The following ADAM10 variants were observed in gnomAD, a reference collection of about 807,000 sequenced individuals.
The protein encoded by ADAM10 is ADAM metallopeptidase domain 10.
Under a neutral mutation model 90.1 loss-of-function variants are expected in ADAM10, and 17 were observed. The observed-to-expected ratio is 0.19, with a 90% CI of 0.13 to 0.28. The LOEUF (loss-of-function observed/expected upper bound fraction) is 0.28. ADAM10 is among the 10% of genes least tolerant of loss of function. The probability of loss-of-function intolerance (pLI) is 1.00; values close to 1 mark genes in which losing one functional copy is unlikely to be tolerated. For synonymous variants in ADAM10, 310 were observed against 298.6 expected (o/e 1.04, Z -0.40); for missense variants, 610 against 914.3 (o/e 0.67, Z 4.29).
intron 2 of ADAM10, among the ~76,000 whole-genome samples, chr15:58,701,872 G>T (rs1321023776): frequency 1.3e-5 from 2 of 152,126 alleles, no homozygotes; most frequent in Non-Finnish European, 2.9e-5. Context: ...TTGGGAGGAC[G>T]AGGTGGGCGG....
chr15:58,609,567 G>C (rs957453292), intron 14 of ADAM10: 2 of 153,206 alleles, frequency 1.3e-5, no homozygotes, highest in Non-Finnish European at 2.9e-5. Flanking sequence ...AAAGGGGAAT[G>C]TGAGTTATAA....
At position 58,681,295 on chromosome 15, in the gene ADAM10, T is replaced by TTATTGTAAGAG. The variant is rs1457676960; in HGVS notation, c.325+900_325+901insCTCTTACAATA. Among the ~76,000 whole-genome samples the TTATTGTAAGAG allele has an allele frequency of 1.1e-4, 17 of 152,328 alleles. No homozygotes were observed. The East Asian group carries it at 2.3e-3, about 21-fold the overall frequency. ...ACTGATGAAAAACGCTTCATTTTGG[T>TTATTGTAAGAG]TACAGAATTGTAAGAGTACAAAAAA... On this transcript the variant is annotated intron_variant, in intron 3 of 15. Transcript: ENST00000260408.
At chr15:58,655,007 C>A (rs1380765614) in intron 5 of ADAM10, among the ~76,000 whole-genome samples, 4 of 152,092 alleles carry the variant, frequency 2.6e-5, no homozygotes, top group Non-Finnish European at 4.4e-5. Flanking sequence ...CCTGTTAGGT[C>A]CATTTGTTCT....
chr15:58,741,269 A>T (rs1899603887), intron 1 of ADAM10, among the ~76,000 whole-genome samples: 3 of 152,210 alleles, frequency 2.0e-5, no homozygotes, highest in Admixed American at 2.0e-4. Flanking sequence ...CATAGTTCAC[A>T]TGAAATCAAG....
At chr15:58,685,483 AAAT>A (rs1897564489) in intron 2 of ADAM10, among the ~76,000 whole-genome samples, 1 of 112,024 alleles carries the variant, frequency 8.9e-6, no homozygotes, top group African/African-American at 4.6e-5. Context: ...ATAAATAAAT[AAAT>A]AAGATACAAA....
intron 7 of ADAM10, among the ~76,000 whole-genome samples, chr15:58,642,371 G>A (rs547198021): frequency 7.9e-5 from 12 of 151,890 alleles, no homozygotes; most frequent in Non-Finnish European, 1.8e-4. Context: ...AGGCTGAGGT[G>A]GGAGAATCGC....
At chr15:58,657,549 T>C (rs1237362782) in intron 5 of ADAM10, among the ~76,000 whole-genome samples, 3 of 152,222 alleles carry the variant, frequency 2.0e-5, no homozygotes, top group South Asian at 2.1e-4. Flanking sequence ...TTTTTAATTA[T>C]TTCAATGTTT....
intron 8 of ADAM10, among the ~76,000 whole-genome samples, chr15:58,634,701 C>T (rs1444075870): frequency 1.3e-5 from 2 of 152,042 alleles, no homozygotes; most frequent in African/African-American, 2.4e-5. Flanking sequence ...TATATTTATA[C>T]TTAAAGTTTT....
chr15:58,712,282 C>T (rs1450118900), intron 2 of ADAM10, among the ~76,000 whole-genome samples: 10 of 151,926 alleles, frequency 6.6e-5, no homozygotes, highest in African/African-American at 2.4e-4. Flanking sequence ...TGGCCAGGCA[C>T]GGTGGCTCAC....
chr15:58,616,156 G>C (rs1461585656), intron 11 of ADAM10, among the ~76,000 whole-genome samples: 4 of 152,178 alleles, frequency 2.6e-5, no homozygotes, highest in South Asian at 4.1e-4. Context: ...GATCTAAAGA[G>C]AGAGATCAAC....
chr15:58,739,816 T>A (rs1595671060), intron 1 of ADAM10, among the ~76,000 whole-genome samples: 2 of 152,370 alleles, frequency 1.3e-5, no homozygotes, highest in East Asian at 1.9e-4. Context: ...CAGTTTCATG[T>A]AATGAGACTA....
chr15:58,742,935 T>C (rs1899662868), intron 1 of ADAM10, among the ~76,000 whole-genome samples: 1 of 152,190 alleles, frequency 6.6e-6, no homozygotes, highest in Non-Finnish European at 1.5e-5. Context: ...GGCGTGTGCC[T>C]GTGGTCCCAG....
intron 9 of ADAM10, among the ~76,000 whole-genome samples, chr15:58,629,067 AT>A (rs1896027549): frequency 6.6e-6 from 1 of 152,240 alleles, no homozygotes; most frequent in African/African-American, 2.4e-5. Flanking sequence ...TAGCACTAGA[AT>A]TATTCTCAGC....
In ADAM10 at chr15:58,671,857, C is replaced by A. The variant is rs1227772867; in HGVS notation, c.485-6660G>T. On this transcript the variant is annotated intron_variant, in intron 4 of 15. Coordinates refer to ENST00000260408, the MANE Select transcript of ADAM10 (RefSeq NM_001110.4). ...TCATTGTCTCTATTGTCATTAAGTT[C>A]TTGGCCTTTTAGCAGCCTTTAAACT... Among the ~76,000 whole-genome samples the A allele has an allele frequency of 2.6e-5, 4 of 151,338 alleles. No individual in the cohort carries two copies. The East Asian group carries it at 7.8e-4, about 29-fold the overall frequency.
intron 14 of ADAM10, among the ~76,000 whole-genome samples, chr15:58,605,750 A>C (rs1391156109): frequency 2.0e-5 from 3 of 152,210 alleles, no homozygotes; most frequent in African/African-American, 4.8e-5. Flanking sequence ...AAACTCAAGA[A>C]GTTTCTCAAC....
rs571772174 is a variant in ADAM10 at position 58,740,985 on chromosome 15, G to C, written c.55+8495C>G. Among the ~76,000 whole-genome samples, 16 of 152,204 alleles carry C rather than the reference G, an allele frequency of 1.1e-4. No individual in the cohort carries two copies. The South Asian group carries it at 3.1e-3, about 30-fold the overall frequency. ...ACATAATTTTAATAATATTTATATA[G>C]TACTTTAAAGTCTTTAGCACTTTTA... On this transcript the variant is annotated intron_variant, in intron 1 of 15. Coordinates refer to ENST00000260408, the MANE Select transcript of ADAM10 (RefSeq NM_001110.4).
chr15:58,688,329 A>T lies in ADAM10; in HGVS notation c.207-6015T>A, dbSNP rs527497858. On this transcript the variant is annotated intron_variant, in intron 2 of 15. Transcript: ENST00000260408. The stretch of plus-strand genomic sequence containing the variant: ...GATTGCTTGAGCCCAGGAGTTTTCA[A>T]TCAGCCTGGGCAATGTAGCAAGACT... 1.8e-4 allele frequency among the ~76,000 whole-genome samples: 28 copies of T among 152,206 alleles called. 1 individual carries two copies. In the South Asian group the frequency reaches 5.4e-3, roughly 29 times the overall value.
chr15:58,695,320 G>A (rs1254370395), intron 2 of ADAM10, among the ~76,000 whole-genome samples: 2 of 152,122 alleles, frequency 1.3e-5, no homozygotes, highest in Non-Finnish European at 2.9e-5. Flanking sequence ...AGACTCTCCT[G>A]AACAAACAAG....
intron 1 of ADAM10, among the ~76,000 whole-genome samples, chr15:58,742,394 C>A (rs1362970252): frequency 6.6e-6 from 1 of 152,194 alleles, no homozygotes; most frequent in Admixed American, 6.5e-5. Flanking sequence ...TTCTCACCAT[C>A]ACAAAGTTGA....
Sources: gnomAD v4.1 joint callset for allele counts (sites outside exome capture counted in the v4.1 genomes callset) on GRCh38, gnomAD v4.1.1 for gene constraint, MANE v1.5 for transcripts, NCBI Gene and HGNC (gene_info 2026-07-23, HGNC 2026-07-21) for gene names.